CLCNKB: variants seen among roughly 807,000 people sequenced by gnomAD.
The protein encoded by CLCNKB is chloride voltage-gated channel Kb.
Under a neutral mutation model 83.8 loss-of-function variants are expected in CLCNKB, and 74 were observed. The observed-to-expected ratio is 0.88, with a 90% CI of 0.73 to 1.07. CLCNKB has a LOEUF of 1.07. CLCNKB is among the 50% of genes least tolerant of loss of function. The pLI is 0.00. For synonymous variants in CLCNKB, 358 were observed against 356.6 expected (o/e 1.00, Z -0.04); for missense variants, 798 against 893.6 (o/e 0.89, Z 1.36).
At chr1:16,045,880 A>C (rs1481663293) in intron 3 of CLCNKB, among the ~76,000 whole-genome samples, 194 bp downstream of exon 3, 1 of 151,966 alleles carries the variant, frequency 6.6e-6, no homozygotes, top group South Asian at 2.1e-4. Context: ...CAGTCATCTC[A>C]TTTGCACAAG....
chr1:16,047,810 G>A (rs1371755701), intron 4 of CLCNKB, 95 bp from the exon 5 acceptor site: 14 of 1,392,134 alleles, frequency 1.0e-5, no homozygotes, highest in African/African-American at 1.4e-5. Flanking sequence ...CTGCTGATCT[G>A]GCGAGATCGT....
intron 4 of CLCNKB, 94 bp from the exon 5 acceptor site, chr1:16,047,811 G>A: frequency 7.1e-7 from 1 of 1,402,858 alleles, no homozygotes; most frequent in East Asian, 2.3e-5. Flanking sequence ...TGCTGATCTG[G>A]CGAGATCGTA....
At chr1:16,044,166 G>T (rs1395758184) in intron 1 of CLCNKB, among the ~76,000 whole-genome samples, 2 of 151,944 alleles carry the variant, frequency 1.3e-5, no homozygotes, top group African/African-American at 2.4e-5. Flanking sequence ...GGGTGGGAGC[G>T]GCTGCCACCG....
Position 16,051,440 on chromosome 1 carries a change from A to G in CLCNKB, c.1228-38A>G, listed in dbSNP as rs6650117. On this transcript the variant is annotated intron_variant, in intron 12 of 19. Coordinates refer to ENST00000375679, the MANE Select transcript of CLCNKB (RefSeq NM_000085.5). ...CTCCCTTGTCCACGCCTTGCCCAGC[A>G]GCCTCTAACCTCTGCCCTGGGCTCC... 208,853 of 1,603,934 alleles carry G rather than the reference A, an allele frequency of 0.13. 14,983 individuals are homozygous for G. The highest frequency in any genetic ancestry group is 0.22 in the African/African-American group (16,505 of 74,608).
At chr1:16,045,713 C>T (rs776933851) in intron 3 of CLCNKB, 27 bp downstream of exon 3, 2 of 1,530,910 alleles carry the variant, frequency 1.3e-6, no homozygotes, top group Non-Finnish European at 1.8e-6. Context: ...AGGTGCTGCT[C>T]TGGGCCAAGG....
intron 4 of CLCNKB, among the ~76,000 whole-genome samples, chr1:16,046,923 C>A (rs1367453987): frequency 2.0e-5 from 3 of 152,132 alleles, no homozygotes; most frequent in African/African-American, 7.2e-5. Flanking sequence ...GTGGCCAGTG[C>A]CAGGGAGGGG....
In CLCNKB at chr1:16,051,291, G is replaced by A. The variant is rs565024510; in HGVS notation, c.1228-187G>A. On this transcript the variant is annotated intron_variant, in intron 12 of 19. Coordinates refer to ENST00000375679, the MANE Select transcript of CLCNKB (RefSeq NM_000085.5). ...GGAAGAAAGGAATGTACCTGGCACAGTGCCAGGGCATACAGTGGGCATTTC... is the reference window on the plus strand; with the variant it reads ...GGAAGAAAGGAATGTACCTGGCACAATGCCAGGGCATACAGTGGGCATTTC... Among the ~76,000 whole-genome samples the A allele has an allele frequency of 2.0e-4, 31 of 152,316 alleles. 2 individuals are homozygous for A. In the East Asian group the frequency reaches 5.8e-3, roughly 28 times the overall value.
In CLCNKB at chr1:16,052,456, T is replaced by C. The variant is rs56152056; in HGVS notation, c.1622+45T>C. Reference sequence around the variant, plus strand: ...GGCTGACTGAAGGGGGTCACAGTGTTTGGGAAGGGCTGGGGTGAAGGGCAC... The same window carrying C: ...GGCTGACTGAAGGGGGTCACAGTGTCTGGGAAGGGCTGGGGTGAAGGGCAC... On this transcript the variant is annotated intron_variant, in intron 15 of 19. Transcript: ENST00000375679. 183,382 of 1,611,714 alleles carry C rather than the reference T, an allele frequency of 0.11. 11,795 individuals carry two copies. Among genetic ancestry groups the C allele is most frequent in the African/African-American group, 0.22 (16,771 of 74,872 alleles).
At position 16,050,976 on chromosome 1, in the gene CLCNKB, G is replaced by A. The variant is rs2023271352; in HGVS notation, c.1155G>A (p.Gln385=). 1 of 1,614,028 alleles carries A rather than the reference G, an allele frequency of 6.2e-7. No homozygotes were observed. Among genetic ancestry groups the A allele is most frequent in the African/African-American group, 1.3e-5 (1 of 75,018 alleles). ...SPPWPEELDP[Q]HLWWEWYHPR... Reference sequence around the variant, plus strand: ...CCTGGCCCGAGGAGCTCGACCCCCAGCACCTGTGGTGGGAATGGTACCACC... The same window carrying A: ...CCTGGCCCGAGGAGCTCGACCCCCAACACCTGTGGTGGGAATGGTACCACC... Residue 385 remains glutamine (Q), a synonymous_variant, in exon 12 of 20, where the codon CAG becomes CAA. Transcript: ENST00000375679.
At chr1:16,048,616 C>T (rs959682023) in intron 7 of CLCNKB, 34 bp downstream of exon 7, 4 of 1,612,008 alleles carry the variant, frequency 2.5e-6, no homozygotes, top group African/African-American at 2.7e-5. Context: ...CCCTGGGTCC[C>T]TCAAGCTCCT....
intron 4 of CLCNKB, among the ~76,000 whole-genome samples, chr1:16,047,322 G>A (rs1033251135): frequency 5.3e-5 from 8 of 152,122 alleles, no homozygotes; most frequent in East Asian, 1.9e-4. Context: ...GCATGTGCCC[G>A]TGGTCCGAGC....
At chr1:16,046,796 C>A in intron 4 of CLCNKB, 133 bp downstream of exon 4, 3 of 1,152,288 alleles carry the variant, frequency 2.6e-6, no homozygotes, top group Non-Finnish European at 2.5e-6. Context: ...CAAAGGGACA[C>A]AGCAAGAAGG....
chr1:16,052,344 T>G lies in CLCNKB; in HGVS notation c.1555T>G (p.Phe519Val). 1 of 1,613,226 alleles carries G rather than the reference T, an allele frequency of 6.2e-7. No individual in the cohort carries two copies. The highest frequency in any genetic ancestry group is 1.7e-5 in the Admixed American group (1 of 60,036). The change falls in exon 15 of 20, where the codon TTC (phenylalanine) becomes GTC (valine). Residue 519 changes from phenylalanine to valine, a missense_variant. Coordinates refer to ENST00000375679, the MANE Select transcript of CLCNKB (RefSeq NM_000085.5). ...NAIAQSCQPSFYDGTVIVKKL... is the reference protein window; with the variant it reads ...NAIAQSCQPSVYDGTVIVKKL... ...CATTGCACAGAGCTGCCAGCCCTCC[T>G]TCTATGATGGCACCGTCATTGTCAA...
At chr1:16,054,317 T>C (rs889947961) in intron 16 of CLCNKB, among the ~76,000 whole-genome samples, 1 of 152,176 alleles carries the variant, frequency 6.6e-6, no homozygotes, top group African/African-American at 2.4e-5. Flanking sequence ...TGTCAGCCCA[T>C]GTGTCCCCCT....
At chr1:16,053,594 C>G (rs1288647852) in intron 15 of CLCNKB, 45 bp from the exon 16 acceptor site, 3 of 1,613,522 alleles carry the variant, frequency 1.9e-6, no homozygotes, top group Non-Finnish European at 2.5e-6. Flanking sequence ...GCCTGGGTCT[C>G]ACATCCCTGA....
At chr1:16,046,757 A>C in intron 4 of CLCNKB, 94 bp downstream of exon 4, 1 of 1,493,078 alleles carries the variant, frequency 6.7e-7, no homozygotes, top group Non-Finnish European at 9.3e-7. Flanking sequence ...TTCACAGACA[A>C]AGGCCCAGGA....
In CLCNKB at chr1:16,050,961, G is replaced by A; in HGVS notation, c.1140G>A (p.Glu380=). The A allele has an allele frequency of 6.2e-7, 1 of 1,613,890 alleles. No homozygotes were observed. Among genetic ancestry groups the A allele is most frequent in the Non-Finnish European group, 8.5e-7 (1 of 1,179,958 alleles). Residue 380 remains glutamate, a synonymous_variant, in exon 12 of 20, where the codon GAG becomes GAA. Transcript: ENST00000375679. ...AGAACTCCAGCCCACCCTGGCCCGA[G>A]GAGCTCGACCCCCAGCACCTGTGGT... is the stretch of plus-strand genomic sequence containing the variant. The part of the protein sequence containing the change: ...MTQNSSPPWP[E]ELDPQHLWWE...
Position 16,049,801 on chromosome 1 carries a change from T to C in CLCNKB, c.867-14T>C. Reference sequence around the variant, plus strand: ...TGGGGTCGGGCTCTGGGCTCATGTCTCCATGCTCCCCAGGGGTCTCTGTGG... The same window carrying C: ...TGGGGTCGGGCTCTGGGCTCATGTCCCCATGCTCCCCAGGGGTCTCTGTGG... On this transcript the variant is annotated splice_polypyrimidine_tract_variant and intron_variant, in intron 9 of 19. Transcript: ENST00000375679. The C allele has an allele frequency of 6.2e-7, 1 of 1,613,814 alleles. No individual in the cohort carries two copies. The highest frequency in any genetic ancestry group is 8.5e-7 in the Non-Finnish European group (1 of 1,179,872).
At chr1:16,044,175 C>T (rs1224999476) in intron 1 of CLCNKB, among the ~76,000 whole-genome samples, 4 of 152,016 alleles carry the variant, frequency 2.6e-5, no homozygotes, top group African/African-American at 7.3e-5. Context: ...CGGCTGCCAC[C>T]GAAGGGGAAG....
Sources: gnomAD v4.1 joint callset for allele counts (sites outside exome capture counted in the v4.1 genomes callset) on GRCh38, gnomAD v4.1.1 for gene constraint, MANE v1.5 for transcripts, NCBI Gene and HGNC (gene_info 2026-07-23, HGNC 2026-07-21) for gene names.